KCNH2: variants seen among roughly 807,000 people sequenced by gnomAD.
The protein encoded by KCNH2 is potassium voltage-gated channel subfamily H member 2.
In KCNH2, 35 loss-of-function variants were observed where a neutral mutation model predicts 95.9. The ratio of observed to expected loss-of-function variants is 0.37; its 90% CI spans 0.28 to 0.48. The LOEUF (loss-of-function observed/expected upper bound fraction) is 0.48. Ranked by LOEUF, KCNH2 falls within the 20% of genes least tolerant of loss-of-function variation. The pLI is 0.99. For synonymous variants in KCNH2, 786 were observed against 754.7 expected (o/e 1.04, Z -0.68); for missense variants, 1,274 against 1,702.9 (o/e 0.75, Z 4.43).
intron 2 of KCNH2, among the ~76,000 whole-genome samples, chr7:150,970,560 C>A (rs953856647): frequency 1.6e-4 from 25 of 152,304 alleles, no homozygotes; most frequent in African/African-American, 5.5e-4. Flanking sequence ...ACAGCCGCAG[C>A]TCAGGAATGA....
rs868230511 is a variant in KCNH2 at position 150,945,902 on chromosome 7, C to A, written c.3331-388G>T. Among the ~76,000 whole-genome samples, 1 of 152,176 alleles carries A rather than the reference C, an allele frequency of 6.6e-6. No homozygotes were observed. The highest frequency in any genetic ancestry group is 1.5e-5 in the Non-Finnish European group (1 of 68,036). On this transcript the variant is annotated intron_variant, in intron 14 of 14. Coordinates refer to ENST00000262186, the MANE Select transcript of KCNH2 (RefSeq NM_000238.4). The surrounding 1 kb of genome is among the most constrained non-coding windows in gnomAD (Gnocchi z 5.6). ...GAAAAAGAGACAAGATTCCTTCCCG[C>A]AATCCAGAAAGAACTCGGGGACCTA... is the stretch of plus-strand genomic sequence containing the variant.
In KCNH2 at chr7:150,947,590, CCG is replaced by C; in HGVS notation, c.2965+14_2965+15del. Reference sequence around the variant, plus strand: ...CCACGCCCGGTCCTCCCTCGCCCGCCCGTCGCCCGGGATACCTGACAGGGGGT... The same window carrying C: ...CCACGCCCGGTCCTCCCTCGCCCGCCTCGCCCGGGATACCTGACAGGGGGT... On this transcript the variant is annotated intron_variant, in intron 12 of 14. Transcript: ENST00000262186. 6.2e-7 allele frequency: 1 copy of C among 1,611,552 alleles called. No homozygotes were observed. Among genetic ancestry groups the C allele is most frequent in the South Asian group, 1.1e-5 (1 of 90,526 alleles).
In KCNH2 at chr7:150,947,748, A is replaced by G. The variant is rs1449358173; in HGVS notation, c.2823T>C (p.Ser941=). 19 of 1,549,506 alleles carry G rather than the reference A, an allele frequency of 1.2e-5. No individual in the cohort carries two copies. Among genetic ancestry groups the G allele is most frequent in the Non-Finnish European group, 1.6e-5 (18 of 1,150,914 alleles). Residue 941 remains serine, a synonymous_variant, in exon 12 of 15, where the codon AGT becomes AGC. Transcript: ENST00000262186. ...AGCTGCGGCCTGGGCCCTCATCCTC[A>G]CTGCTCTCAGGGCTGGAGGGGCCAC... ...PSSGPSSPES[S]EDEGPGRSSS...
Position 150,945,777 on chromosome 7 carries a change from G to A in KCNH2, c.3331-263C>T, listed in dbSNP as rs930202408. The stretch of plus-strand genomic sequence containing the variant: ...AGCCAAACAAGAGAGCTGGGAGCAG[G>A]GAAAACCCTAGGCCCCTGTCTCTTC... On this transcript the variant is annotated intron_variant, in intron 14 of 14. Transcript: ENST00000262186. This position sits in a 1 kb window ranked among gnomAD's most constrained non-coding sequence, Gnocchi z 5.6. Among the ~76,000 whole-genome samples the A allele has an allele frequency of 1.3e-5, 2 of 152,202 alleles. No individual in the cohort carries two copies. The highest frequency in any genetic ancestry group is 1.3e-4 in the Admixed American group (2 of 15,278).
rs1801242946 is a variant in KCNH2, at chr7:150,952,969, C to T, written c.1129-116G>A. 3 of 995,406 alleles carry T rather than the reference C, an allele frequency of 3.0e-6. No homozygotes were observed. The highest frequency in any genetic ancestry group is 1.6e-5 in the African/African-American group (1 of 62,376). The allele number at this position is 995,406 out of a possible 1,614,324, so 61.7% of individuals were successfully genotyped here. A position where few individuals can be genotyped will look rare whatever the true frequency, so the allele number is the denominator to read the frequency against. ...TGAGGAGGAGGCCAAAAAAAGCTTCCATCAGAATGCCCACCCCTCAGCCAA... is the reference window on the plus strand; with the variant it reads ...TGAGGAGGAGGCCAAAAAAAGCTTCTATCAGAATGCCCACCCCTCAGCCAA... On this transcript the variant is annotated intron_variant, in intron 5 of 14. Transcript: ENST00000262186. This position sits in a 1 kb window ranked among gnomAD's most constrained non-coding sequence, Gnocchi z 7.3.
At chr7:150,973,810 C>T (rs1208117717) in intron 2 of KCNH2, among the ~76,000 whole-genome samples, 1 of 152,186 alleles carries the variant, frequency 6.6e-6, no homozygotes, top group Non-Finnish European at 1.5e-5. Flanking sequence ...CTCATCTGTC[C>T]TGCCCATCTC....
At chr7:150,974,067 G>C (rs1801905911) in intron 2 of KCNH2, among the ~76,000 whole-genome samples, 1 of 152,236 alleles carries the variant, frequency 6.6e-6, no homozygotes, top group Non-Finnish European at 1.5e-5. Context: ...CAGCTGTGCT[G>C]GGAGGCGGTG....
At chr7:150,956,186 AG>A (rs143201061) in intron 5 of KCNH2, among the ~76,000 whole-genome samples, 105 of 152,306 alleles carry the variant, frequency 6.9e-4, no homozygotes, top group African/African-American at 2.3e-3. Flanking sequence ...GGAGCAGGGC[AG>A]ATGCCAGGGG....
At chr7:150,964,974 C>T (rs556805330) in intron 2 of KCNH2, among the ~76,000 whole-genome samples, 5 of 152,126 alleles carry the variant, frequency 3.3e-5, no homozygotes, top group Non-Finnish European at 7.4e-5. Flanking sequence ...ATTGCAGGCC[C>T]AGGGGACAGA....
intron 2 of KCNH2, among the ~76,000 whole-genome samples, chr7:150,963,023 AC>A (rs1158319530): frequency 6.6e-6 from 1 of 151,622 alleles, no homozygotes; most frequent in Non-Finnish European, 1.5e-5. Flanking sequence ...CCTACTCCAG[AC>A]CCCCAGGCCC....
At chr7:150,955,555 C>A (rs143829898) in intron 5 of KCNH2, 38 of 1,509,810 alleles carry the variant, frequency 2.5e-5, no homozygotes, top group Non-Finnish European at 3.3e-5. Flanking sequence ...AGGGCCCGGC[C>A]ACTGCCTCAC....
At chr7:150,949,584 A>G (rs2116944378) in intron 9 of KCNH2, 3 of 1,063,900 alleles carry the variant, frequency 2.8e-6, no homozygotes, top group African/African-American at 1.7e-5. Context: ...GCTGAGAAAC[A>G]AAGTCTAAAA....
At chr7:150,966,368 T>G in intron 2 of KCNH2, among the ~76,000 whole-genome samples, 2 of 127,418 alleles carry the variant, frequency 1.6e-5, no homozygotes, top group Admixed American at 1.6e-4. Flanking sequence ...TAATTCCTCA[T>G]TGATTTGCCC....
rs752503743 is a variant in KCNH2 at position 150,974,880 on chromosome 7, G to C, written c.138C>G (p.Asp46Glu). The change falls in exon 2 of 15, where the codon GAC becomes GAG. Residue 46 changes from aspartate to glutamate, a missense_variant. Around this residue, in one of 7 missense-constraint regions of KCNH2, gnomAD observed 85 missense variants for 174.7 expected, o/e 0.49. Transcript: ENST00000262186. ...AGTAGCCGCACAGCTCGCAGAAGCC[G>C]TCGTTGCAGTAGATGACGGCGCAGT... is the stretch of plus-strand genomic sequence containing the variant. ...VENCAVIYCN[D>E]GFCELCGYSR... 5.0e-6 allele frequency: 8 copies of C among 1,611,982 alleles called. No homozygotes were observed. The East Asian group carries it at 1.6e-4, about 31-fold the overall frequency.
chr7:150,958,384 G>C lies in KCNH2; in HGVS notation c.591C>G (p.Asp197Glu). ...GAGAPGAVVV[D>E]VDLTPAAPSS... ...TGGGTGCCGCGGGCGTCAGGTCCAC[G>C]TCCACCACCACGGCCCCCGGGGCGC... Residue 197 changes from aspartate to glutamate, a missense_variant, in exon 4 of 15, where the codon GAC becomes GAG. Coordinates refer to ENST00000262186, the MANE Select transcript of KCNH2 (RefSeq NM_000238.4). The C allele has an allele frequency of 6.8e-7, 1 of 1,471,198 alleles. No individual in the cohort carries two copies. Among genetic ancestry groups the C allele is most frequent in the Non-Finnish European group, 8.9e-7 (1 of 1,117,632 alleles). The allele number at this position is 1,471,198 out of a possible 1,614,324, so 91.1% of individuals were successfully genotyped here. A position where few individuals can be genotyped will look rare whatever the true frequency, so the allele number is the denominator to read the frequency against.
In KCNH2 at chr7:150,952,805, G is replaced by A; in HGVS notation, c.1177C>T (p.Pro393Ser). 3 of 1,614,062 alleles carry A rather than the reference G, an allele frequency of 1.9e-6. No individual in the cohort carries two copies. The highest frequency in any genetic ancestry group is 2.5e-6 in the Non-Finnish European group (3 of 1,180,014). ...AGGATGGTCCAGCGGTGGATGCGCG[G>A]TGCCTGCAGCTTGTACTCAGGCAGC... ...DVLPEYKLQA[P>S]RIHRWTILHY... The change falls in exon 6 of 15, where the codon CCG becomes TCG. Residue 393 changes from proline (P) to serine (S), a missense_variant. Around this residue, in one of 7 missense-constraint regions of KCNH2, gnomAD observed 392 missense variants for 429.9 expected, o/e 0.91. Transcript: ENST00000262186. The surrounding 1 kb of genome is among the most constrained non-coding windows in gnomAD (Gnocchi z 7.3).
rs1328831514 is a variant in KCNH2, at chr7:150,978,171, G to A, written c.-258C>T. The A allele has an allele frequency of 2.1e-5, 3 of 143,960 alleles. No homozygotes were observed. Among genetic ancestry groups the A allele is most frequent in the Admixed American group, 1.4e-4 (2 of 14,560 alleles). 8.9% of individuals were successfully genotyped at this position (143,960 alleles called of 1,614,324 possible). On this transcript the variant is annotated 5_prime_UTR_variant, in exon 1 of 15. Transcript: ENST00000262186. ...GCACACCTGTCTGCCGGCCCCCGCC[G>A]AGCCGCGGGGCCCGCTCCGCCGCGT...
chr7:150,961,354 G>A lies in KCNH2; in HGVS notation c.308-1618C>T, dbSNP rs1801562735. Among the ~76,000 whole-genome samples the A allele has an allele frequency of 6.6e-6, 1 of 150,476 alleles. No individual in the cohort carries two copies. Among genetic ancestry groups the A allele is most frequent in the Admixed American group, 6.6e-5 (1 of 15,112 alleles). ...ACTCTGTCACCCAGGGTGGAGTGCA[G>A]CGGCATGATCTTGGCTCACTGCAAC... On this transcript the variant is annotated intron_variant, in intron 2 of 14. Coordinates refer to ENST00000262186, the MANE Select transcript of KCNH2 (RefSeq NM_000238.4). This position sits in a 1 kb window ranked among gnomAD's most constrained non-coding sequence, Gnocchi z 6.2.
chr7:150,978,000 C>CGCGGG lies in KCNH2; in HGVS notation c.-88_-87insCCCGC. Reference sequence around the variant, plus strand: ...TAGGCTTCGGGTGGCCCGGCCGGGCCGTGGTCCCCGCACCCCGCGGCCAAG... The same window carrying CGCGGG: ...TAGGCTTCGGGTGGCCCGGCCGGGCCGCGGGGTGGTCCCCGCACCCCGCGGCCAAG... On this transcript the variant is annotated 5_prime_UTR_variant, in exon 1 of 15. Transcript: ENST00000262186. 1.6e-6 allele frequency: 1 copy of CGCGGG among 616,506 alleles called. No homozygotes were observed. The highest frequency in any genetic ancestry group is 2.3e-6 in the Non-Finnish European group (1 of 432,456). 38.2% of individuals were successfully genotyped at this position (616,506 alleles called of 1,614,324 possible). A position where few individuals can be genotyped will look rare whatever the true frequency, so the allele number is the denominator to read the frequency against.
Sources: gnomAD v4.1 joint callset for allele counts (sites outside exome capture counted in the v4.1 genomes callset) on GRCh38, gnomAD v4.1.1 for gene constraint, gnomAD v4.1.1 regional missense constraint, Gnocchi (gnomAD v3.1) non-coding constraint, MANE v1.5 for transcripts, NCBI Gene and HGNC (gene_info 2026-07-23, HGNC 2026-07-21) for gene names.